The following SNX29 variants were observed in gnomAD, a reference collection of about 807,000 sequenced individuals.
The protein encoded by SNX29 is sorting nexin-29.
Under a neutral mutation model 102.1 loss-of-function variants are expected in SNX29, and 78 were observed. That is an observed-to-expected ratio of 0.76 (90% CI 0.64 to 0.92). The LOEUF is 0.92. Among genes scored for constraint, SNX29 ranks in the 40% least tolerant of loss-of-function variants. The pLI is 0.00. For synonymous variants in SNX29, 580 were observed against 414.5 expected (o/e 1.40, Z -4.85); for missense variants, 1,280 against 1,061.7 (o/e 1.21, Z -2.86).
intron 18 of SNX29, among the ~76,000 whole-genome samples, chr16:12,442,582 TTTTTTTG>T (rs1385939617): frequency 1.3e-5 from 2 of 150,108 alleles, no homozygotes; most frequent in East Asian, 1.9e-4. Context: ...TGACTGTGTG[TTTTTTTG>T]TTTTTTTTTT....
rs563581114 is a variant in SNX29 at position 12,333,167 on chromosome 16, G to A, written c.1783-22996G>A. ...GTTGTCCAGGCTGGAGTGCAGTGGT[G>A]CGATCTTGGCTCACTGCAACTTCCG... On this transcript the variant is annotated intron_variant, in intron 15 of 20. Coordinates refer to ENST00000566228, the MANE Select transcript of SNX29 (RefSeq NM_032167.5). Among the ~76,000 whole-genome samples, 9 of 143,992 alleles carry A rather than the reference G, an allele frequency of 6.3e-5. No homozygotes were observed. In the South Asian group the frequency reaches 2.0e-3, roughly 32 times the overall value. 94.5% of individuals were successfully genotyped at this position (143,992 alleles called of 152,430 possible).
intron 14 of SNX29, among the ~76,000 whole-genome samples, chr16:12,261,902 G>A (rs544609796): frequency 1.2e-4 from 17 of 144,338 alleles, no homozygotes; most frequent in African/African-American, 4.2e-4. Flanking sequence ...CTGTGCATGC[G>A]TCCCCGGCTG....
At chr16:12,459,241 G>T (rs1017369124) in intron 18 of SNX29, among the ~76,000 whole-genome samples, 1 of 149,106 alleles carries the variant, frequency 6.7e-6, no homozygotes. Context: ...TTCCTCTCCT[G>T]TGGGGCTCAC....
At chr16:12,302,839 G>C (rs2080222351) in intron 15 of SNX29, among the ~76,000 whole-genome samples, 1 of 152,196 alleles carries the variant, frequency 6.6e-6, no homozygotes, top group Admixed American at 6.5e-5. Context: ...CATCTCATCA[G>C]TGCACATTTT....
chr16:12,171,249 C>T (rs1047465142), intron 13 of SNX29, among the ~76,000 whole-genome samples: 1 of 152,074 alleles, frequency 6.6e-6, no homozygotes, highest in African/African-American at 2.4e-5. Flanking sequence ...CACGTGATGA[C>T]TAAGAGCGCC....
At chr16:12,536,178 C>T (rs2077073391) in intron 20 of SNX29, among the ~76,000 whole-genome samples, 1 of 152,270 alleles carries the variant, frequency 6.6e-6, no homozygotes, top group East Asian at 1.9e-4. Flanking sequence ...TAGCACACAT[C>T]ACTCAGAAGA....
intron 15 of SNX29, among the ~76,000 whole-genome samples, chr16:12,347,616 T>C (rs1015769279): frequency 6.6e-6 from 1 of 152,130 alleles, no homozygotes; most frequent in Non-Finnish European, 1.5e-5. Flanking sequence ...TGTCTGCTAA[T>C]ATGTAAAACA....
intron 13 of SNX29, among the ~76,000 whole-genome samples, chr16:12,156,062 C>T (rs981530382): frequency 6.6e-6 from 1 of 152,236 alleles, no homozygotes; most frequent in African/African-American, 2.4e-5. Flanking sequence ...CCTTAACGTG[C>T]GTGGCGCACA....
At chr16:12,266,381 C>T (rs1214821188) in intron 14 of SNX29, among the ~76,000 whole-genome samples, 1 of 152,100 alleles carries the variant, frequency 6.6e-6, no homozygotes, top group Non-Finnish European at 1.5e-5. Flanking sequence ...GGGCTTAGTG[C>T]CCCAGGACTG....
intron 4 of SNX29, among the ~76,000 whole-genome samples, chr16:12,033,465 G>T (rs1396496248): frequency 3.3e-5 from 5 of 152,022 alleles, no homozygotes; most frequent in Admixed American, 3.3e-4. Flanking sequence ...ATGTGGTTTT[G>T]TTCTCTTCTC....
chr16:12,176,507 A>T (rs13335032), intron 13 of SNX29, among the ~76,000 whole-genome samples: 1 of 152,242 alleles, frequency 6.6e-6, no homozygotes, highest in Non-Finnish European at 1.5e-5. Flanking sequence ...CAAAATATCA[A>T]TACAATAATA....
chr16:12,052,993 C>T lies in SNX29; in HGVS notation c.1124+771C>T, dbSNP rs1360168783. Reference sequence around the variant, plus strand: ...AGCCGTAACTTGCCTGCACCTGCTGCCTTAACAGTGGAGTTGGCCAGGCGC... The same window carrying T: ...AGCCGTAACTTGCCTGCACCTGCTGTCTTAACAGTGGAGTTGGCCAGGCGC... On this transcript the variant is annotated intron_variant, in intron 8 of 20. Transcript: ENST00000566228. The T allele has an allele frequency of 2.6e-5, 4 of 152,522 alleles. No homozygotes were observed. In the East Asian group the frequency reaches 5.8e-4, roughly 22 times the overall value. 9.4% of individuals were successfully genotyped at this position (152,522 alleles called of 1,614,324 possible).
intron 19 of SNX29, among the ~76,000 whole-genome samples, chr16:12,512,401 TATATATATATATATATA>T (rs1488498068): frequency 4.8e-4 from 35 of 72,692 alleles, no homozygotes; most frequent in East Asian, 3.4e-3. Flanking sequence ...TATATATATA[TATATATATATATATATA>T]GTTTTCGGTT....
chr16:12,222,849 G>A (rs1472770553), intron 14 of SNX29, among the ~76,000 whole-genome samples: 1 of 152,134 alleles, frequency 6.6e-6, no homozygotes, highest in Non-Finnish European at 1.5e-5. Context: ...GATTACAGGT[G>A]TAAGCCACGA....
intron 19 of SNX29, among the ~76,000 whole-genome samples, chr16:12,483,334 T>TTTTG: frequency 8.4e-5 from 12 of 143,268 alleles, no homozygotes; most frequent in African/African-American, 1.8e-4. Context: ...TTTTTTTTTT[T>TTTTG]CCAGACGGAG....
At chr16:12,106,718 C>T (rs1477467809) in intron 11 of SNX29, among the ~76,000 whole-genome samples, 2 of 150,972 alleles carry the variant, frequency 1.3e-5, no homozygotes, top group Non-Finnish European at 1.5e-5. Context: ...TGGGCTTAAG[C>T]GATTCTCCTG....
At chr16:12,117,675 G>A (rs528761193) in intron 11 of SNX29, among the ~76,000 whole-genome samples, 1 of 152,216 alleles carries the variant, frequency 6.6e-6, no homozygotes, top group East Asian at 1.9e-4. Context: ...TGGTAGAAAC[G>A]TTCTAGAACT....
chr16:12,337,814 C>G (rs890314639), intron 15 of SNX29, among the ~76,000 whole-genome samples: 5 of 152,214 alleles, frequency 3.3e-5, no homozygotes, highest in African/African-American at 9.7e-5. Context: ...TTGTCAGCAT[C>G]TTCCCTCATC....
intron 18 of SNX29, among the ~76,000 whole-genome samples, chr16:12,453,460 C>T (rs2086396773): frequency 6.6e-6 from 1 of 152,220 alleles, no homozygotes; most frequent in South Asian, 2.1e-4. Flanking sequence ...TGCCTAATGC[C>T]TACTTTGCAG....
Sources: gnomAD v4.1 joint callset for allele counts (sites outside exome capture counted in the v4.1 genomes callset) on GRCh38, gnomAD v4.1.1 for gene constraint, MANE v1.5 for transcripts, NCBI Gene and HGNC (gene_info 2026-07-23, HGNC 2026-07-21) for gene names.